Variants in RBFOX1 observed in about 807,000 individuals in gnomAD.
RBFOX1 encodes the protein RNA binding protein fox-1 homolog 1.
RBFOX1 carries 8 observed loss-of-function variants against 57.7 expected under a neutral mutation model. The observed-to-expected ratio is 0.14, with a 90% confidence interval of 0.08 to 0.25. The LOEUF is 0.25. Ranked by LOEUF, RBFOX1 falls within the 10% of genes least tolerant of loss-of-function variation. RBFOX1 has a pLI of 1.00. For missense variants in RBFOX1, 611 were observed against 548.5 expected (o/e 1.11, Z -1.14); for synonymous variants, 326 against 222.4 (o/e 1.47, Z -4.15).
chr16:7,090,303 C>A (rs983156889), intron 4 of RBFOX1, among the ~76,000 whole-genome samples: 7 of 152,300 alleles, frequency 4.6e-5, no homozygotes, highest in African/African-American at 1.7e-4. Flanking sequence ...TTTATATGCA[C>A]CTATCTGTGT....
chr16:5,432,555 G>GTTTTTT (rs1567502943), intron 1 of RBFOX1, among the ~76,000 whole-genome samples: 1 of 75,590 alleles, frequency 1.3e-5, no homozygotes, highest in Non-Finnish European at 2.7e-5. Flanking sequence ...TTTTTTGTTT[G>GTTTTTT]TTTGTTTTTT....
intron 4 of RBFOX1, among the ~76,000 whole-genome samples, chr16:5,999,381 A>G (rs1197318264): frequency 1.3e-5 from 2 of 152,242 alleles, no homozygotes; most frequent in African/African-American, 2.4e-5. Context: ...AGACCGGGTC[A>G]AACTCTTCCC....
At chr16:7,662,698 A>C (rs1174093760) in intron 12 of RBFOX1, among the ~76,000 whole-genome samples, 1 of 152,166 alleles carries the variant, frequency 6.6e-6, no homozygotes, top group Non-Finnish European at 1.5e-5. Context: ...ATAATGGGAA[A>C]AGTCACCCAG....
At chr16:6,780,159 A>G (rs1179760566) in intron 3 of RBFOX1, among the ~76,000 whole-genome samples, 2 of 36,746 alleles carry the variant, frequency 5.4e-5, no homozygotes, top group African/African-American at 4.1e-4. Context: ...TTATATATAT[A>G]TTTATATATT....
chr16:6,006,668 A>C (rs1351297292), intron 4 of RBFOX1, among the ~76,000 whole-genome samples: 1 of 152,220 alleles, frequency 6.6e-6, no homozygotes, highest in Non-Finnish European at 1.5e-5. Flanking sequence ...TCTGTCACTC[A>C]GAAGGGGAAG....
At chr16:5,269,877 G>A (rs2062961233) in intron 1 of RBFOX1, among the ~76,000 whole-genome samples, 1 of 152,208 alleles carries the variant, frequency 6.6e-6, no homozygotes, top group Non-Finnish European at 1.5e-5. Flanking sequence ...ATTCCAGGCT[G>A]GGCATGGTGG....
At chr16:7,265,588 A>C (rs1386399372) in intron 4 of RBFOX1, among the ~76,000 whole-genome samples, 1 of 152,028 alleles carries the variant, frequency 6.6e-6, no homozygotes, top group African/African-American at 2.4e-5. Context: ...AGCTAGGATT[A>C]CAGGCACCCA....
At chr16:7,521,044 A>G (rs946210249) in intron 5 of RBFOX1, among the ~76,000 whole-genome samples, 5 of 152,296 alleles carry the variant, frequency 3.3e-5, no homozygotes, top group African/African-American at 1.2e-4. Context: ...TGTCTTAAGG[A>G]AAATATGGGT....
At chr16:7,465,113 C>T (rs1164884511) in intron 4 of RBFOX1, among the ~76,000 whole-genome samples, 3 of 152,118 alleles carry the variant, frequency 2.0e-5, no homozygotes, top group Non-Finnish European at 4.4e-5. Flanking sequence ...CTTAGAACCC[C>T]AAGTTATTTT....
At position 6,792,164 on chromosome 16, in the gene RBFOX1, A is replaced by G. The variant is rs933302942; in HGVS notation, c.-16+137514A>G. Among the ~76,000 whole-genome samples the G allele has an allele frequency of 9.2e-5, 14 of 152,336 alleles. No individual in the cohort carries two copies. In the East Asian group the frequency reaches 1.5e-3, roughly 17 times the overall value. On this transcript the variant is annotated intron_variant, in intron 3 of 15. Transcript: ENST00000550418. ...AACACATAAACTATGCTTTTTCTGT[A>G]TATTTTTTCTTAGCAGGTAGTTAAG...
At chr16:5,433,672 A>G (rs943300907) in intron 1 of RBFOX1, among the ~76,000 whole-genome samples, 1 of 152,206 alleles carries the variant, frequency 6.6e-6, no homozygotes, top group African/African-American at 2.4e-5. Flanking sequence ...ATTTGTCGCA[A>G]TTACAACGAA....
intron 10 of RBFOX1, among the ~76,000 whole-genome samples, chr16:7,613,887 A>C (rs1250511300): frequency 1.3e-5 from 2 of 152,190 alleles, no homozygotes; most frequent in Non-Finnish European, 2.9e-5. Context: ...GGTCCCTGAC[A>C]CAAGTTTGCT....
rs563008158 is a variant in RBFOX1, at chr16:7,509,894, C to T, written c.28-8253C>T. Among the ~76,000 whole-genome samples the T allele has an allele frequency of 7.2e-5, 11 of 152,020 alleles. No individual in the cohort carries two copies. In the South Asian group the frequency reaches 2.3e-3, roughly 32 times the overall value. On this transcript the variant is annotated intron_variant, in intron 4 of 15. Coordinates refer to ENST00000550418, the MANE Select transcript of RBFOX1 (RefSeq NM_018723.4). ...ATATTTAGTTTAGTAATGAAAAATTCCAGCTCCAGGCGATGCATAGAATCG... is the reference window on the plus strand; with the variant it reads ...ATATTTAGTTTAGTAATGAAAAATTTCAGCTCCAGGCGATGCATAGAATCG...
At chr16:6,804,706 C>A (rs116875359) in intron 3 of RBFOX1, among the ~76,000 whole-genome samples, 46 of 152,250 alleles carry the variant, frequency 3.0e-4, no homozygotes, top group Non-Finnish European at 5.6e-4. Context: ...TCACACATGA[C>A]TGGGGCAGAA....
At chr16:7,398,898 T>A (rs1274307953) in intron 4 of RBFOX1, among the ~76,000 whole-genome samples, 1 of 152,204 alleles carries the variant, frequency 6.6e-6, no homozygotes, top group African/African-American at 2.4e-5. Flanking sequence ...ATACGGCTAC[T>A]GTAACAAATG....
intron 2 of RBFOX1, among the ~76,000 whole-genome samples, chr16:5,479,907 C>G (rs533100445): frequency 7.9e-5 from 12 of 152,298 alleles, no homozygotes; most frequent in Admixed American, 4.6e-4. Context: ...GTGGCACAGA[C>G]TGGTCTTCAG....
chr16:5,366,569 T>C, intron 1 of RBFOX1: 6 of 386,802 alleles, frequency 1.6e-5, no homozygotes, highest in South Asian at 1.1e-4. Flanking sequence ...CAAGCAAATA[T>C]AGAAAAAGGT....
intron 4 of RBFOX1, among the ~76,000 whole-genome samples, chr16:7,290,817 C>G (rs184034235): frequency 2.0e-5 from 3 of 152,288 alleles, no homozygotes; most frequent in East Asian, 3.9e-4. Context: ...TGTTTAGAAG[C>G]AGACAGCTTA....
chr16:6,638,307 G>A (rs910284561), intron 2 of RBFOX1, among the ~76,000 whole-genome samples: 1 of 152,104 alleles, frequency 6.6e-6, no homozygotes, highest in Non-Finnish European at 1.5e-5. Context: ...ATTAAAATTA[G>A]TGTTTTAAAG....
Sources: allele counts gnomAD v4.1 joint callset (sites outside exome capture counted in the v4.1 genomes callset), GRCh38; gene constraint gnomAD v4.1.1; transcripts MANE v1.5; gene names NCBI Gene and HGNC (gene_info 2026-07-23, HGNC 2026-07-21).